The following TMEM132C variants were observed in gnomAD, a reference collection of about 807,000 sequenced individuals.
TMEM132C encodes transmembrane protein 132C.
TMEM132C carries 29 observed loss-of-function variants against 61.4 expected under a neutral mutation model. That is an observed-to-expected ratio of 0.47 (90% CI 0.35 to 0.64). TMEM132C has a LOEUF of 0.64. Among genes scored for constraint, TMEM132C ranks in the 30% least tolerant of loss-of-function variants. The pLI, the probability that TMEM132C is intolerant of heterozygous loss-of-function variation, is 0.00. For missense variants in TMEM132C, 1,408 were observed against 1,476.9 expected (o/e 0.95, Z 0.76); for synonymous variants, 656 against 633.1 (o/e 1.04, Z -0.54).
chr12:128,625,533 A>T (rs1391556299), intron 4 of TMEM132C, among the ~76,000 whole-genome samples: 1 of 152,232 alleles, frequency 6.6e-6, no homozygotes, highest in Non-Finnish European at 1.5e-5. Context: ...GAAGGCAAGG[A>T]GGAGCAAGTC....
chr12:128,580,852 G>A (rs180711096), intron 3 of TMEM132C, among the ~76,000 whole-genome samples: 2 of 152,278 alleles, frequency 1.3e-5, no homozygotes, highest in Admixed American at 1.3e-4. Flanking sequence ...TGGCTCTGTT[G>A]ACACTTTAGG....
At chr12:128,363,987 A>G (rs1281191253) in intron 1 of TMEM132C, among the ~76,000 whole-genome samples, 1 of 152,078 alleles carries the variant, frequency 6.6e-6, no homozygotes, top group Admixed American at 6.5e-5. Context: ...CCCTTCCTGG[A>G]AGGCTCTGGT....
intron 2 of TMEM132C, among the ~76,000 whole-genome samples, chr12:128,454,275 T>A (rs1267503314): frequency 6.6e-6 from 1 of 152,192 alleles, no homozygotes; most frequent in Non-Finnish European, 1.5e-5. Flanking sequence ...AGGAGGTTAA[T>A]GCTCTGAATT....
intron 1 of TMEM132C, among the ~76,000 whole-genome samples, chr12:128,322,647 A>G (rs185793789): frequency 5.4e-4 from 83 of 152,340 alleles, no homozygotes; most frequent in Admixed American, 1.3e-3. Flanking sequence ...GGGAGTTCAA[A>G]GGACATCAGT....
intron 4 of TMEM132C, among the ~76,000 whole-genome samples, chr12:128,641,271 CA>C: frequency 6.6e-6 from 1 of 152,304 alleles, no homozygotes; most frequent in Middle Eastern, 3.4e-3. Flanking sequence ...AACACTAAGA[CA>C]ACAACTGCAG....
At position 128,530,885 on chromosome 12, in the gene TMEM132C, A is replaced by G. The variant is rs553337448; in HGVS notation, c.975-13072A>G. On this transcript the variant is annotated intron_variant, in intron 2 of 8. Transcript: ENST00000435159. ...AGCATTTATTACCTTTGTTTCTAACATAGATTAATGTGTACATTTATGACT... is the reference window on the plus strand; with the variant it reads ...AGCATTTATTACCTTTGTTTCTAACGTAGATTAATGTGTACATTTATGACT... Among the ~76,000 whole-genome samples, 323 of 152,398 alleles carry G rather than the reference A, an allele frequency of 2.1e-3. 1 individual carries two copies. The highest frequency in any genetic ancestry group is 8.7e-3 in the South Asian group (42 of 4,834).
Position 128,529,670 on chromosome 12 carries a change from C to T in TMEM132C, c.975-14287C>T, listed in dbSNP as rs529754027. ...GCATGATGATGCACCCCTGTAATCC[C>T]AGCTTCTCAGGAGGCTGAGGCAGGA... On this transcript the variant is annotated intron_variant, in intron 2 of 8. Transcript: ENST00000435159. Among the ~76,000 whole-genome samples the T allele has an allele frequency of 6.8e-4, 104 of 152,242 alleles. No individual in the cohort carries two copies. In the Middle Eastern group the frequency reaches 0.02, roughly 30 times the overall value.
At chr12:128,668,646 C>T (rs1954501403) in intron 4 of TMEM132C, among the ~76,000 whole-genome samples, 1 of 152,166 alleles carries the variant, frequency 6.6e-6, no homozygotes, top group African/African-American at 2.4e-5. Context: ...ACAAATGTAT[C>T]ATCCTACACT....
At chr12:128,365,947 T>C (rs1206288286) in intron 1 of TMEM132C, among the ~76,000 whole-genome samples, 1 of 152,212 alleles carries the variant, frequency 6.6e-6, no homozygotes, top group Non-Finnish European at 1.5e-5. Flanking sequence ...GGCCACTTTT[T>C]CATTTTGATC....
intron 2 of TMEM132C, among the ~76,000 whole-genome samples, chr12:128,420,211 T>TATA: frequency 6.6e-6 from 1 of 151,928 alleles, no homozygotes; most frequent in South Asian, 2.1e-4. Context: ...AATGAAATAA[T>TATA]ATAATTACCA....
At chr12:128,597,684 T>C (rs1300497324) in intron 3 of TMEM132C, among the ~76,000 whole-genome samples, 1 of 152,152 alleles carries the variant, frequency 6.6e-6, no homozygotes, top group Non-Finnish European at 1.5e-5. Context: ...CATCTAGAGG[T>C]GCTTACATCT....
At chr12:128,683,383 A>G (rs1954650796) in intron 5 of TMEM132C, among the ~76,000 whole-genome samples, 1 of 152,098 alleles carries the variant, frequency 6.6e-6, no homozygotes, top group South Asian at 2.1e-4. Context: ...CCCTCCGCCT[A>G]CTTCTCTGAC....
At chr12:128,373,986 C>T (rs1874106227) in intron 1 of TMEM132C, among the ~76,000 whole-genome samples, 1 of 152,204 alleles carries the variant, frequency 6.6e-6, no homozygotes, top group Non-Finnish European at 1.5e-5. Flanking sequence ...AGCCTGGACC[C>T]TGGCTTAAGA....
chr12:128,395,934 A>C (rs2136004597), intron 1 of TMEM132C, among the ~76,000 whole-genome samples: 1 of 152,308 alleles, frequency 6.6e-6, no homozygotes, highest in East Asian at 1.9e-4. Context: ...CTTACCTAAT[A>C]CAGACATTTT....
intron 3 of TMEM132C, among the ~76,000 whole-genome samples, chr12:128,561,599 G>T (rs868587872): frequency 6.6e-6 from 1 of 152,212 alleles, no homozygotes; most frequent in African/African-American, 2.4e-5. Flanking sequence ...GACGATGACC[G>T]TGTGGACGTC....
At chr12:128,443,117 G>C (rs1006088222) in intron 2 of TMEM132C, among the ~76,000 whole-genome samples, 2 of 151,900 alleles carry the variant, frequency 1.3e-5, no homozygotes, top group Non-Finnish European at 1.5e-5. Context: ...GTATGTGTGT[G>C]TATACGTATA....
intron 3 of TMEM132C, among the ~76,000 whole-genome samples, chr12:128,601,629 A>G (rs1188935982): frequency 6.7e-6 from 1 of 148,862 alleles, no homozygotes; most frequent in African/African-American, 2.4e-5. Flanking sequence ...AGCCCTGGGG[A>G]AAAGCACAGG....
At chr12:128,564,551 C>T (rs1047233562) in intron 3 of TMEM132C, among the ~76,000 whole-genome samples, 43 of 152,202 alleles carry the variant, frequency 2.8e-4, no homozygotes, top group African/African-American at 9.9e-4. Context: ...CTGATTCTTA[C>T]ATCAACCCTG....
chr12:128,626,675 C>T (rs775298326), intron 4 of TMEM132C, among the ~76,000 whole-genome samples: 20 of 152,000 alleles, frequency 1.3e-4, no homozygotes, highest in Admixed American at 8.5e-4. Context: ...AGATTCCTGA[C>T]CTCAAGTGAT....
Sources: gnomAD v4.1 joint callset for allele counts (sites outside exome capture counted in the v4.1 genomes callset) on GRCh38, gnomAD v4.1.1 for gene constraint, MANE v1.5 for transcripts, NCBI Gene and HGNC (gene_info 2026-07-23, HGNC 2026-07-21) for gene names.